LRRC36: variants seen among roughly 807,000 people sequenced by gnomAD.
The protein encoded by LRRC36 is leucine rich repeat containing 36, also known as leucine-rich repeat-containing protein 36.
LRRC36 carries 62 observed loss-of-function variants against 81.1 expected under a neutral mutation model. The ratio of observed to expected loss-of-function variants is 0.76; its 90% CI spans 0.62 to 0.94. LRRC36 has a LOEUF of 0.94. Among genes scored for constraint, LRRC36 ranks in the 40% least tolerant of loss-of-function variants. The probability of loss-of-function intolerance (pLI) is 0.00; values close to 1 mark genes in which losing one functional copy is unlikely to be tolerated. For synonymous variants in LRRC36, 334 were observed against 348.6 expected (o/e 0.96, Z 0.47); for missense variants, 761 against 881.7 (o/e 0.86, Z 1.73).
chr16:67,382,198 C>A lies in LRRC36; in HGVS notation c.1996C>A (p.Gln666Lys). Residue 666 changes from glutamine to lysine, a missense_variant, in exon 13 of 14, where the codon CAG (glutamine) becomes AAG (lysine). By Grantham distance (53) the Gln-to-Lys change is moderately conservative (BLOSUM62 1). This residue lies in a region of LRRC36 where 359 missense variants were observed against 388.4 expected (regional missense o/e 0.92). Transcript: ENST00000329956. ...GGCTTGCCTGAACCAGGAGCTTGCC[C>A]AGCTGAAAAAGCTGGAGAAGACAGT... ...QVACLNQELA[Q>K]LKKLEKTVAI... The A allele has an allele frequency of 4.3e-6, 7 of 1,614,180 alleles. No homozygotes were observed. Among genetic ancestry groups the A allele is most frequent in the African/African-American group, 4.0e-5 (3 of 75,042 alleles).
intron 1 of LRRC36, among the ~76,000 whole-genome samples, chr16:67,330,978 G>A (rs993444731): frequency 1.3e-5 from 2 of 151,820 alleles, no homozygotes; most frequent in African/African-American, 2.4e-5. Context: ...GGTTCTGGAG[G>A]CTGAGAAGTC....
At chr16:67,376,106 G>A (rs2039880613) in intron 10 of LRRC36, among the ~76,000 whole-genome samples, 1 of 152,048 alleles carries the variant, frequency 6.6e-6, no homozygotes, top group South Asian at 2.1e-4. Context: ...TCAGGAGTTC[G>A]ACACCAGCCT....
intron 1 of LRRC36, among the ~76,000 whole-genome samples, chr16:67,330,768 G>A (rs770908788): frequency 1.3e-5 from 2 of 152,000 alleles, no homozygotes; most frequent in Non-Finnish European, 2.9e-5. Flanking sequence ...AGGAGGCTGA[G>A]GCAGGAGAAT....
chr16:67,346,739 G>C (rs946107994), intron 3 of LRRC36, among the ~76,000 whole-genome samples: 1 of 152,094 alleles, frequency 6.6e-6, no homozygotes. Flanking sequence ...TATTTTTCCA[G>C]GTGCCCCAAC....
intron 5 of LRRC36, among the ~76,000 whole-genome samples, chr16:67,356,750 G>T (rs973246456): frequency 3.3e-5 from 5 of 152,144 alleles, no homozygotes; most frequent in Admixed American, 1.3e-4. Context: ...CTCATTGCAG[G>T]CCTGGGAAAA....
Position 67,378,863 on chromosome 16 carries a change from A to G in LRRC36, c.1930+151A>G, listed in dbSNP as rs2142173146. The G allele has an allele frequency of 3.7e-6, 3 of 805,368 alleles. No individual in the cohort carries two copies. In the South Asian group the frequency reaches 5.6e-5, roughly 15 times the overall value. 49.9% of individuals were successfully genotyped at this position (805,368 alleles called of 1,614,324 possible). A position where few individuals can be genotyped will look rare whatever the true frequency, so the allele number is the denominator to read the frequency against. On this transcript the variant is annotated intron_variant, in intron 12 of 13. Coordinates refer to ENST00000329956, the MANE Select transcript of LRRC36 (RefSeq NM_018296.6). ...TTCCTGGCAGTTAACAGAAACAATC[A>G]TCTTGCCTCAGAGAATTGTAATGCA...
At chr16:67,354,013 A>G (rs1256451877) in intron 5 of LRRC36, among the ~76,000 whole-genome samples, 6 of 152,116 alleles carry the variant, frequency 3.9e-5, no homozygotes, top group Non-Finnish European at 5.9e-5. Context: ...CCCCTACTAA[A>G]TTAAGTCTAA....
At chr16:67,336,961 G>A (rs1047823734) in intron 1 of LRRC36, among the ~76,000 whole-genome samples, 3 of 151,214 alleles carry the variant, frequency 2.0e-5, no homozygotes, top group Non-Finnish European at 4.4e-5. Context: ...TAGAGACAGG[G>A]TCCTACTATG....
intron 6 of LRRC36, 41 bp from the exon 7 acceptor site, chr16:67,365,263 G>A (rs779555781): frequency 1.4e-5 from 19 of 1,383,976 alleles, no homozygotes; most frequent in East Asian, 6.9e-5. Flanking sequence ...ATTTGAACGC[G>A]CATGGACTTC....
chr16:67,343,470 G>A (rs944261492), intron 2 of LRRC36, among the ~76,000 whole-genome samples: 3 of 152,058 alleles, frequency 2.0e-5, no homozygotes, highest in Non-Finnish European at 4.4e-5. Context: ...GCCAAGGTGG[G>A]TGGATCCCGA....
chr16:67,365,378 A>AT, intron 7 of LRRC36, 23 bp downstream of exon 7: 1 of 1,606,494 alleles, frequency 6.2e-7, no homozygotes, highest in Non-Finnish European at 8.5e-7. Flanking sequence ...CTCACTGAGT[A>AT]TTTTTCCCCC....
In LRRC36 at chr16:67,342,033, T is replaced by A. The variant is rs2038110535; in HGVS notation, c.147T>A (p.Phe49Leu). ...CCATTGGTGATGCCTTCAGAAATTT[T>A]AAAAATCTCCGATCCTTAGATTTAT... ...IHSIGDAFRN[F>L]KNLRSLDLSR... is the part of the protein sequence containing the mutation. The change falls in exon 2 of 14, where the codon TTT (phenylalanine) becomes TTA (leucine). Residue 49 changes from phenylalanine (F) to leucine (L), a missense_variant. Transcript: ENST00000329956. 2 of 1,611,322 alleles carry A rather than the reference T, an allele frequency of 1.2e-6. No individual in the cohort carries two copies. Among genetic ancestry groups the A allele is most frequent in the African/African-American group, 1.3e-5 (1 of 74,852 alleles).
Position 67,378,712 on chromosome 16 carries a change from G to A in LRRC36, c.1930G>A (p.Asp644Asn), listed in dbSNP as rs1195359873. Residue 644 changes from aspartate to asparagine, a missense_variant and splice_region_variant, in exon 12 of 14, where the codon GAT becomes AAT. By Grantham distance (23) the Asp-to-Asn change is conservative. Around this residue, in one of 3 missense-constraint regions of LRRC36, gnomAD observed 359 missense variants for 388.4 expected, o/e 0.92. Transcript: ENST00000329956. ...GAGTGGGCAACAGTCACATACTTATGGTAAGTTGAGGAAAGCCATGATATA... is the reference window on the plus strand; with the variant it reads ...GAGTGGGCAACAGTCACATACTTATAGTAAGTTGAGGAAAGCCATGATATA... ...IVSGQQSHTY[D>N]DLLHKNQQLT... is the part of the protein sequence containing the mutation. 6.2e-7 allele frequency: 1 copy of A among 1,613,508 alleles called. No homozygotes were observed. Among genetic ancestry groups the A allele is most frequent in the South Asian group, 1.1e-5 (1 of 90,994 alleles).
At chr16:67,352,194 A>AT (rs1183240331) in intron 5 of LRRC36, among the ~76,000 whole-genome samples, 4 of 152,238 alleles carry the variant, frequency 2.6e-5, no homozygotes, top group East Asian at 1.9e-4. Flanking sequence ...TGTTGCCTGG[A>AT]TTTTTTTTAA....
Position 67,337,017 on chromosome 16 carries a change from C to A in LRRC36, c.71-4940C>A, listed in dbSNP as rs565403373. Among the ~76,000 whole-genome samples the A allele has an allele frequency of 2.0e-4, 31 of 152,254 alleles. No homozygotes were observed. The South Asian group carries it at 6.0e-3, about 30-fold the overall frequency. ...CTCCTGGCCTCAAATGATCTGCCTG[C>A]CTTGGCCTCCCAAAGTGCTGGGATT... On this transcript the variant is annotated intron_variant, in intron 1 of 13. Transcript: ENST00000329956.
At chr16:67,375,010 C>G (rs1160245488) in intron 9 of LRRC36, among the ~76,000 whole-genome samples, 2 of 151,726 alleles carry the variant, frequency 1.3e-5, no homozygotes, top group Non-Finnish European at 2.9e-5. Flanking sequence ...CACGCCTATC[C>G]CAGCTACTTG....
At chr16:67,343,718 C>T (rs1381337281) in intron 2 of LRRC36, among the ~76,000 whole-genome samples, 4 of 151,442 alleles carry the variant, frequency 2.6e-5, no homozygotes, top group African/African-American at 4.9e-5. Context: ...CAAGTTAACA[C>T]GTGTAATCAA....
At chr16:67,338,868 T>TC in intron 1 of LRRC36, among the ~76,000 whole-genome samples, 16 of 39,850 alleles carry the variant, frequency 4.0e-4, no homozygotes, top group South Asian at 9.0e-4. Context: ...AAGCTGAATT[T>TC]TTTTTTTTTT....
intron 5 of LRRC36, among the ~76,000 whole-genome samples, chr16:67,358,642 C>T (rs544744221): frequency 7.6e-4 from 115 of 151,902 alleles, no homozygotes; most frequent in African/African-American, 2.6e-3. Context: ...CATGAGCTAA[C>T]GTATTCAACC....
Sources: allele counts gnomAD v4.1 joint callset (sites outside exome capture counted in the v4.1 genomes callset), GRCh38; gene constraint gnomAD v4.1.1; regional missense constraint gnomAD v4.1.1; transcripts MANE v1.5; gene names NCBI Gene and HGNC (gene_info 2026-07-23, HGNC 2026-07-21).